Variants in ZNF423 observed in about 807,000 individuals in gnomAD.
ZNF423 encodes the protein Ebf-associated zinc finger protein.
ZNF423 carries 12 observed loss-of-function variants against 95.8 expected under a neutral mutation model. The observed-to-expected ratio is 0.13, with a 90% CI of 0.08 to 0.20. ZNF423 has a LOEUF of 0.20. Among genes scored for constraint, ZNF423 ranks in the 10% least tolerant of loss-of-function variants. ZNF423 has a pLI of 1.00. For synonymous variants in ZNF423, 749 were observed against 711.9 expected (o/e 1.05, Z -0.83); for missense variants, 1,316 against 1,737.1 (o/e 0.76, Z 4.31).
intron 3 of ZNF423, among the ~76,000 whole-genome samples, chr16:49,710,822 AG>A: frequency 6.6e-6 from 1 of 152,354 alleles, no homozygotes; most frequent in Middle Eastern, 3.4e-3. Flanking sequence ...CCAGCCTGAG[AG>A]GACCCAGAAT....
chr16:49,648,480 A>G (rs1279284123), intron 3 of ZNF423, among the ~76,000 whole-genome samples: 1 of 152,070 alleles, frequency 6.6e-6, no homozygotes, highest in Admixed American at 6.5e-5. Context: ...CGTCTCTACT[A>G]AAAATACAAA....
At chr16:49,599,149 C>T (rs1018398496) in intron 5 of ZNF423, among the ~76,000 whole-genome samples, 1 of 152,108 alleles carries the variant, frequency 6.6e-6, no homozygotes, top group Non-Finnish European at 1.5e-5. Context: ...CCTTTGAAAT[C>T]GCTTACAGGT....
chr16:49,668,996 T>C (rs2030674579), intron 3 of ZNF423, among the ~76,000 whole-genome samples: 1 of 152,126 alleles, frequency 6.6e-6, no homozygotes, highest in Non-Finnish European at 1.5e-5. Context: ...TAACCCTTAG[T>C]AAGCACAGAG....
In ZNF423 at chr16:49,791,397, G is replaced by A. The variant is rs543455632; in HGVS notation, c.41-1851C>T. 5.3e-5 allele frequency among the ~76,000 whole-genome samples: 8 copies of A among 152,280 alleles called. No homozygotes were observed. In the East Asian group the frequency reaches 5.8e-4, roughly 11 times the overall value. ...GCTAATGCCTAAAGCCATCAGAAGC[G>A]GGCCATGCACGGAAGGAGCTGTTGT... On this transcript the variant is annotated intron_variant, in intron 1 of 7. Coordinates refer to ENST00000563137, the MANE Select transcript of ZNF423 (RefSeq NM_001379286.1).
intron 3 of ZNF423, among the ~76,000 whole-genome samples, chr16:49,727,807 C>T (rs2033063946): frequency 6.6e-6 from 1 of 152,224 alleles, no homozygotes; most frequent in South Asian, 2.1e-4. Flanking sequence ...CTGCAGGGCA[C>T]CATGGTCTGC....
intron 3 of ZNF423, among the ~76,000 whole-genome samples, chr16:49,711,083 A>G (rs2032529009): frequency 6.6e-6 from 1 of 152,148 alleles, no homozygotes; most frequent in South Asian, 2.1e-4. Flanking sequence ...GGGATGGGAC[A>G]GGATAGGATG....
intron 5 of ZNF423, among the ~76,000 whole-genome samples, chr16:49,558,982 C>G (rs78041901): frequency 0.11 from 17,083 of 152,208 alleles, 1,254 homozygotes; most frequent in East Asian, 0.27. Flanking sequence ...GAGGTGGGGG[C>G]AAGTCCTGAG....
At chr16:49,646,568 C>CTTTT (rs1194511671) in intron 3 of ZNF423, among the ~76,000 whole-genome samples, 1 of 120,720 alleles carries the variant, frequency 8.3e-6, no homozygotes, top group Non-Finnish European at 1.8e-5. Context: ...ATTTTCTTTT[C>CTTTT]TTTTTCTTTT....
intron 1 of ZNF423, among the ~76,000 whole-genome samples, chr16:49,818,500 A>C (rs1442475912): frequency 1.3e-5 from 2 of 152,154 alleles, no homozygotes; most frequent in Non-Finnish European, 2.9e-5. Context: ...ACTGGAGCCC[A>C]GGAGTTCAAG....
chr16:49,639,293 T>TC (rs753374960), intron 3 of ZNF423, among the ~76,000 whole-genome samples: 1 of 152,136 alleles, frequency 6.6e-6, no homozygotes, highest in Non-Finnish European at 1.5e-5. Context: ...GGGAGTCAAC[T>TC]CCCCTCAAAT....
intron 1 of ZNF423, among the ~76,000 whole-genome samples, chr16:49,817,523 C>A (rs535225686): frequency 6.6e-6 from 1 of 152,242 alleles, no homozygotes; most frequent in East Asian, 1.9e-4. Context: ...AGAGCAGCAA[C>A]AGGAACACAG....
chr16:49,725,717 A>C (rs1283497079), intron 3 of ZNF423, among the ~76,000 whole-genome samples: 3 of 152,226 alleles, frequency 2.0e-5, no homozygotes, highest in Non-Finnish European at 4.4e-5. Flanking sequence ...CCTCGCGGGC[A>C]GTAGGCACTG....
At chr16:49,507,755 T>G (rs1344526) in intron 7 of ZNF423, among the ~76,000 whole-genome samples, 62,829 of 151,554 alleles carry the variant, frequency 0.41, 13,465 homozygotes, top group African/African-American at 0.54. Flanking sequence ...GCCCCTAGAA[T>G]GTTGCAGAGG....
At chr16:49,497,054 C>T (rs1384455388) in intron 7 of ZNF423, among the ~76,000 whole-genome samples, 1 of 152,140 alleles carries the variant, frequency 6.6e-6, no homozygotes, top group African/African-American at 2.4e-5. Context: ...TCCCCATAAT[C>T]CCCCCTGGCT....
intron 1 of ZNF423, among the ~76,000 whole-genome samples, chr16:49,798,010 G>C (rs559182768): frequency 6.6e-6 from 1 of 152,200 alleles, no homozygotes; most frequent in Non-Finnish European, 1.5e-5. Flanking sequence ...AGGAGTTCCA[G>C]GCCAGCCAGG....
chr16:49,798,994 C>T (rs978135125), intron 1 of ZNF423, among the ~76,000 whole-genome samples: 8 of 152,160 alleles, frequency 5.3e-5, no homozygotes, highest in African/African-American at 1.7e-4. Flanking sequence ...GCAGAAGTCA[C>T]GCAGCAGAGC....
intron 5 of ZNF423, among the ~76,000 whole-genome samples, chr16:49,565,168 T>C (rs1050728789): frequency 6.6e-6 from 1 of 152,062 alleles, no homozygotes; most frequent in Non-Finnish European, 1.5e-5. Context: ...TAGCTGAAAA[T>C]TGTCTGCATA....
intron 5 of ZNF423, among the ~76,000 whole-genome samples, chr16:49,625,356 T>TA (rs1972224517): frequency 2.0e-5 from 3 of 152,100 alleles, no homozygotes; most frequent in African/African-American, 7.2e-5. Flanking sequence ...CTGTCTAAAA[T>TA]AAAAAATTAA....
intron 5 of ZNF423, among the ~76,000 whole-genome samples, chr16:49,612,350 A>G (rs746483262): frequency 1.3e-5 from 2 of 151,922 alleles, no homozygotes; most frequent in Middle Eastern, 3.2e-3. Context: ...AAACTGGTCA[A>G]TATAATCCAC....
Sources: gnomAD v4.1 joint callset for allele counts (sites outside exome capture counted in the v4.1 genomes callset) on GRCh38, gnomAD v4.1.1 for gene constraint, MANE v1.5 for transcripts, NCBI Gene and HGNC (gene_info 2026-07-23, HGNC 2026-07-21) for gene names.